POU2AF2: variants seen among roughly 807,000 people sequenced by gnomAD.
The protein encoded by POU2AF2 is POU class 2 homeobox associating factor 2, also known as POU domain class 2-associating factor 2.
the POU2AF2 span, among the ~76,000 whole-genome samples, chr11:111,252,014 T>C: frequency 1.9e-4 from 29 of 152,376 alleles, no homozygotes; most frequent in African/African-American, 7.0e-4. Flanking sequence ...CTAGGCTTTT[T>C]GGCATACACA....
the POU2AF2 span, chr11:111,285,927 C>G: frequency 1.2e-6 from 2 of 1,613,836 alleles, no homozygotes; most frequent in African/African-American, 2.7e-5. Context: ...AATGACCTAC[C>G]GCCCAAGGTG....
At chr11:111,284,273 C>G in the POU2AF2 span, 1 of 1,613,950 alleles carries the variant, frequency 6.2e-7, no homozygotes, top group Non-Finnish European at 8.5e-7. Context: ...CGGAGACTAC[C>G]GGCCTCCGGC....
At chr11:111,255,399 T>C in the POU2AF2 span, among the ~76,000 whole-genome samples, 2 of 152,214 alleles carry the variant, frequency 1.3e-5, no homozygotes, top group Non-Finnish European at 2.9e-5. Context: ...TGATTCCTTA[T>C]TTATCCTCGG....
chr11:111,280,053 A>ATATATAT, the POU2AF2 span, among the ~76,000 whole-genome samples: 1 of 61,884 alleles, frequency 1.6e-5, no homozygotes, highest in South Asian at 7.5e-4. Flanking sequence ...AAAAAAAAAA[A>ATATATAT]AAAAATATAT....
the POU2AF2 span, among the ~76,000 whole-genome samples, chr11:111,247,078 C>T: frequency 1.3e-5 from 2 of 151,942 alleles, no homozygotes; most frequent in African/African-American, 4.8e-5. Context: ...TCTTCCCTGT[C>T]TGGCTTGTTT....
the POU2AF2 span, chr11:111,285,570 T>C: frequency 6.8e-7 from 1 of 1,474,054 alleles, no homozygotes; most frequent in East Asian, 2.6e-5. Context: ...AAGGCTGCCC[T>C]GAAGCCACAG....
chr11:111,281,466 T>C, the POU2AF2 span: 8 of 1,610,864 alleles, frequency 5.0e-6, no homozygotes, highest in Non-Finnish European at 5.1e-6. Context: ...CAATAAGCAA[T>C]TATTCCCTTT....
the POU2AF2 span, among the ~76,000 whole-genome samples, chr11:111,252,069 G>A: frequency 6.6e-6 from 1 of 152,254 alleles, no homozygotes; most frequent in African/African-American, 2.4e-5. Flanking sequence ...CAATTAAAAA[G>A]CACTTTAAAA....
At chr11:111,255,957 C>T in the POU2AF2 span, 3 of 399,046 alleles carry the variant, frequency 7.5e-6, no homozygotes, top group East Asian at 3.6e-5. Context: ...CATCCACATT[C>T]GTTGTGACTA....
the POU2AF2 span, among the ~76,000 whole-genome samples, chr11:111,255,750 T>C: frequency 2.0e-5 from 3 of 152,328 alleles, 1 homozygote; most frequent in Admixed American, 6.5e-5. Context: ...AGAGCTGTTG[T>C]GTAGATGATG....
the POU2AF2 span, among the ~76,000 whole-genome samples, chr11:111,247,447 G>T: frequency 2.6e-5 from 4 of 152,128 alleles, no homozygotes; most frequent in Non-Finnish European, 5.9e-5. Context: ...TATGTTAACT[G>T]ATTTGACCTA....
chr11:111,254,856 G>A, the POU2AF2 span, among the ~76,000 whole-genome samples: 1 of 152,150 alleles, frequency 6.6e-6, no homozygotes, highest in Non-Finnish European at 1.5e-5. Flanking sequence ...TTGCTGGTAA[G>A]CCAGCAACAC....
the POU2AF2 span, among the ~76,000 whole-genome samples, chr11:111,267,543 T>C: frequency 6.6e-6 from 1 of 152,334 alleles, no homozygotes; most frequent in African/African-American, 2.4e-5. Flanking sequence ...CGGCAAGTTA[T>C]TTGAGAGGCT....
At chr11:111,247,739 A>G in the POU2AF2 span, among the ~76,000 whole-genome samples, 1 of 151,870 alleles carries the variant, frequency 6.6e-6, no homozygotes, top group Non-Finnish European at 1.5e-5. Flanking sequence ...GTGAGCTGAG[A>G]TCGTGCCACT....
chr11:111,249,064 T>A, the POU2AF2 span, among the ~76,000 whole-genome samples: 1 of 152,230 alleles, frequency 6.6e-6, no homozygotes, highest in Non-Finnish European at 1.5e-5. Context: ...AACATCTTTT[T>A]CCAAATTCTA....
At chr11:111,262,395 T>A in the POU2AF2 span, among the ~76,000 whole-genome samples, 1 of 152,240 alleles carries the variant, frequency 6.6e-6, no homozygotes, top group Non-Finnish European at 1.5e-5. Context: ...GCAAGACTGC[T>A]AGTTGGACGT....
the POU2AF2 span, chr11:111,285,612 C>A: frequency 1.3e-6 from 2 of 1,583,852 alleles, no homozygotes; most frequent in East Asian, 2.3e-5. Flanking sequence ...ATCAGAGTGT[C>A]ACCTAGTGAA....
the POU2AF2 span, among the ~76,000 whole-genome samples, chr11:111,256,880 A>C: frequency 6.6e-6 from 1 of 152,244 alleles, no homozygotes; most frequent in South Asian, 2.1e-4. Context: ...ACTTAAAAAA[A>C]ATCTTCTGTG....
chr11:111,268,474 C>CT, the POU2AF2 span, among the ~76,000 whole-genome samples: 2,606 of 70,770 alleles, frequency 0.037, 272 homozygotes, highest in South Asian at 0.09. Context: ...CTACATTTTT[C>CT]TTTTTTTATT....
Sources: allele counts gnomAD v4.1 joint callset (sites outside exome capture counted in the v4.1 genomes callset), GRCh38; gene constraint gnomAD v4.1.1; transcripts MANE v1.5; gene names NCBI Gene and HGNC (gene_info 2026-07-23, HGNC 2026-07-21).